NCKAP1L: variants seen among roughly 807,000 people sequenced by gnomAD.
NCKAP1L encodes the protein nck-associated protein 1-like.
In NCKAP1L, 53 loss-of-function variants were observed where a neutral mutation model predicts 139.2. The ratio of observed to expected loss-of-function variants is 0.38; its 90% confidence interval spans 0.31 to 0.48. The LOEUF (loss-of-function observed/expected upper bound fraction) is 0.48, where lower values mean the gene tolerates loss of function less well. Ranked by LOEUF, NCKAP1L falls within the 20% of genes least tolerant of loss-of-function variation. The pLI, the probability that NCKAP1L is intolerant of heterozygous loss-of-function variation, is 0.98. For missense variants in NCKAP1L, 1,151 were observed against 1,381.9 expected (o/e 0.83, Z 2.65); for synonymous variants, 468 against 499.7 (o/e 0.94, Z 0.85).
chr12:54,503,516 A>T (rs1040285605), intron 3 of NCKAP1L, among the ~76,000 whole-genome samples: 1 of 152,140 alleles, frequency 6.6e-6, no homozygotes, highest in African/African-American at 2.4e-5. Flanking sequence ...CAATGTGATA[A>T]TTGATATATC....
At chr12:54,507,076 A>G (rs921166844) in intron 3 of NCKAP1L, among the ~76,000 whole-genome samples, 10 of 151,802 alleles carry the variant, frequency 6.6e-5, no homozygotes, top group Admixed American at 4.6e-4. Flanking sequence ...TTTGTAACAC[A>G]AATAATGACC....
chr12:54,518,874 C>T, intron 14 of NCKAP1L, 40 bp from the exon 15 acceptor site: 1 of 1,561,132 alleles, frequency 6.4e-7, no homozygotes, highest in Non-Finnish European at 8.8e-7. Flanking sequence ...TATTGGTGTG[C>T]TGTTTATTGT....
In NCKAP1L at chr12:54,528,384, T is replaced by C. The variant is rs757853030; in HGVS notation, c.2506+7T>C. 3.1e-6 allele frequency: 5 copies of C among 1,612,892 alleles called. No homozygotes were observed. The Admixed American group carries it at 8.3e-5, about 27-fold the overall frequency. ...GAGTTCTCTGACATCTCTGGTGAGC[T>C]CAGGGCCTGGTCTTCTTGTCAAGGA... On this transcript the variant is annotated splice_region_variant and intron_variant, in intron 22 of 30. Coordinates refer to ENST00000293373, the MANE Select transcript of NCKAP1L (RefSeq NM_005337.5).
At chr12:54,528,162 T>G in intron 21 of NCKAP1L, 85 bp from the exon 22 acceptor site, 1 of 1,504,462 alleles carries the variant, frequency 6.6e-7, no homozygotes, top group South Asian at 1.3e-5. Flanking sequence ...GAGTTTTTCT[T>G]TCTGAGCTCA....
chr12:54,499,028 C>T (rs932540863), intron 1 of NCKAP1L, among the ~76,000 whole-genome samples: 2 of 152,062 alleles, frequency 1.3e-5, no homozygotes, highest in South Asian at 2.1e-4. Context: ...CGGGTTCAAG[C>T]GATTCTCCTG....
chr12:54,510,308 T>C, intron 7 of NCKAP1L: 1 of 468,448 alleles, frequency 2.1e-6, no homozygotes, highest in Non-Finnish European at 4.0e-6. Context: ...AGCAACTTGA[T>C]TTTAGGAATC....
At chr12:54,517,702 C>A in intron 12 of NCKAP1L, 60 bp downstream of exon 12, 1 of 1,581,228 alleles carries the variant, frequency 6.3e-7, no homozygotes, top group Non-Finnish European at 8.7e-7. Context: ...AGGGAGGCAT[C>A]AGATGACCTT....
At chr12:54,518,404 T>C (rs1956951626) in intron 13 of NCKAP1L, among the ~76,000 whole-genome samples, 1 of 151,952 alleles carries the variant, frequency 6.6e-6, no homozygotes, top group Middle Eastern at 3.4e-3. Flanking sequence ...GGACTAATAA[T>C]CTCAGCCGTC....
At chr12:54,541,179 G>T (rs1957155436) in intron 30 of NCKAP1L, among the ~76,000 whole-genome samples, 2 of 152,170 alleles carry the variant, frequency 1.3e-5, no homozygotes, top group Non-Finnish European at 2.9e-5. Context: ...CCAGATCCTG[G>T]CAATTAGTCC....
intron 19 of NCKAP1L, 94 bp from the exon 20 acceptor site, chr12:54,523,731 T>G (rs886857743): frequency 6.6e-7 from 1 of 1,511,706 alleles, no homozygotes; most frequent in Middle Eastern, 1.9e-4. Flanking sequence ...CTAGGCTGAG[T>G]ATCCCTAGAA....
chr12:54,534,179 G>A (rs1176398244), intron 26 of NCKAP1L, among the ~76,000 whole-genome samples: 1 of 152,222 alleles, frequency 6.6e-6, no homozygotes, highest in Non-Finnish European at 1.5e-5. Flanking sequence ...CATTTTCTCT[G>A]TTAGTCACTA....
intron 18 of NCKAP1L, among the ~76,000 whole-genome samples, chr12:54,522,222 A>G (rs567931431): frequency 3.3e-5 from 5 of 152,334 alleles, no homozygotes; most frequent in African/African-American, 4.8e-5. Context: ...TAAATAATTA[A>G]TGCAAGAAGA....
intron 24 of NCKAP1L, 77 bp downstream of exon 24, chr12:54,531,661 A>G: frequency 6.2e-7 from 1 of 1,600,178 alleles, no homozygotes; most frequent in African/African-American, 1.3e-5. Flanking sequence ...AGGAATCTGG[A>G]GGCTAGGCGG....
At chr12:54,528,899 C>T (rs1434121337) in intron 22 of NCKAP1L, among the ~76,000 whole-genome samples, 1 of 151,954 alleles carries the variant, frequency 6.6e-6, no homozygotes, top group African/African-American at 2.4e-5. Context: ...CCTTCCAAAG[C>T]GCTGGGATTA....
At chr12:54,498,821 A>G in intron 1 of NCKAP1L, 1 of 985,346 alleles carries the variant, frequency 1.0e-6, no homozygotes. Context: ...CTACCCATCA[A>G]GACAAAATGC....
chr12:54,498,298 A>G (rs1956766742), intron 1 of NCKAP1L, among the ~76,000 whole-genome samples: 1 of 152,004 alleles, frequency 6.6e-6, no homozygotes, highest in African/African-American at 2.4e-5. Flanking sequence ...TTTTCTGTGG[A>G]AGTGCTTCCC....
At chr12:54,530,981 G>A (rs1255078640) in intron 22 of NCKAP1L, among the ~76,000 whole-genome samples, 1 of 152,132 alleles carries the variant, frequency 6.6e-6, no homozygotes, top group East Asian at 1.9e-4. Flanking sequence ...GTCATATAAA[G>A]GAACACGGGA....
At chr12:54,507,707 C>T in intron 3 of NCKAP1L, 146 bp from the exon 4 acceptor site, 1 of 729,448 alleles carries the variant, frequency 1.4e-6, no homozygotes, top group Non-Finnish European at 2.4e-6. Flanking sequence ...GGAGGAACTT[C>T]CTCCCTCTTT....
chr12:54,500,483 A>C (rs746669392), intron 2 of NCKAP1L, 50 bp from the exon 3 acceptor site: 6 of 1,250,018 alleles, frequency 4.8e-6, no homozygotes, highest in Non-Finnish European at 7.1e-6. Flanking sequence ...TATTTGGATC[A>C]ATTGTCTTAT....
Sources: gnomAD v4.1 joint callset for allele counts (sites outside exome capture counted in the v4.1 genomes callset) on GRCh38, gnomAD v4.1.1 for gene constraint, MANE v1.5 for transcripts, NCBI Gene and HGNC (gene_info 2026-07-23, HGNC 2026-07-21) for gene names.